CCNB1IP1: variants seen among roughly 807,000 people sequenced by gnomAD.
CCNB1IP1 encodes the protein E3 ubiquitin-protein ligase CCNB1IP1.
A neutral mutation model predicts 25.6 loss-of-function variants in CCNB1IP1; 14 were observed. That is an observed-to-expected ratio of 0.55 (90% CI 0.36 to 0.85). CCNB1IP1 has a LOEUF of 0.85. Among genes scored for constraint, CCNB1IP1 ranks in the 40% least tolerant of loss-of-function variants. CCNB1IP1 has a pLI of 0.01. For missense variants in CCNB1IP1, 278 were observed against 342.4 expected (o/e 0.81, Z 1.48); for synonymous variants, 119 against 116.1 (o/e 1.02, Z -0.16).
chr14:20,324,455 G>C (rs1449133719), intron 4 of CCNB1IP1, among the ~76,000 whole-genome samples: 1 of 152,098 alleles, frequency 6.6e-6, no homozygotes, highest in Admixed American at 6.6e-5. Context: ...CAAAGTGCTG[G>C]GTTTACAGGC....
intron 1 of CCNB1IP1, among the ~76,000 whole-genome samples, chr14:20,330,037 A>G (rs766720268): frequency 4.6e-5 from 7 of 151,820 alleles, no homozygotes; most frequent in Non-Finnish European, 1.0e-4. Context: ...GTCTTGCCCA[A>G]GCTCAACCAG....
chr14:20,324,574 G>A (rs556676983), intron 4 of CCNB1IP1, among the ~76,000 whole-genome samples: 1 of 152,278 alleles, frequency 6.6e-6, no homozygotes, highest in East Asian at 1.9e-4. Context: ...CATGGATTCT[G>A]ATGACAAATA....
At chr14:20,316,896 G>T (rs1048869495) in intron 4 of CCNB1IP1, among the ~76,000 whole-genome samples, 1 of 152,106 alleles carries the variant, frequency 6.6e-6, no homozygotes, top group Non-Finnish European at 1.5e-5. Context: ...GTCCCTTCAG[G>T]TCAGGAGTTC....
At chr14:20,333,096 A>T (rs1279512634) in intron 1 of CCNB1IP1, 158 bp downstream of exon 1, 2 of 152,312 alleles carry the variant, frequency 1.3e-5, no homozygotes, top group Non-Finnish European at 2.9e-5. Flanking sequence ...AGAGCATTTC[A>T]CTGCCTTCTC....
chr14:20,315,136 C>CAAAAAAA (rs1159450735), intron 5 of CCNB1IP1, among the ~76,000 whole-genome samples: 1 of 9,062 alleles, frequency 1.1e-4, no homozygotes, highest in African/African-American at 4.2e-4. Flanking sequence ...TACACCTCAC[C>CAAAAAAA]AAAAAAAAAA....
chr14:20,327,400 G>C (rs1027934240), intron 2 of CCNB1IP1, among the ~76,000 whole-genome samples: 3 of 151,742 alleles, frequency 2.0e-5, no homozygotes, highest in African/African-American at 7.3e-5. Context: ...ATAATCTGAA[G>C]AAAATCTTCC....
chr14:20,320,299 T>C, intron 4 of CCNB1IP1: 1 of 455,930 alleles, frequency 2.2e-6, no homozygotes, highest in South Asian at 1.6e-5. Flanking sequence ...ATAAGAGTTG[T>C]GAAGGCCAGG....
chr14:20,332,930 G>A (rs1279189592), intron 1 of CCNB1IP1: 5 of 152,186 alleles, frequency 3.3e-5, no homozygotes, highest in African/African-American at 1.2e-4. Context: ...GCATTAGGAT[G>A]ATAATATCTT....
chr14:20,331,128 A>G (rs1002274845), intron 1 of CCNB1IP1, among the ~76,000 whole-genome samples: 2 of 152,200 alleles, frequency 1.3e-5, no homozygotes, highest in African/African-American at 4.8e-5. Flanking sequence ...TTACATCCTA[A>G]AATACATTTC....
chr14:20,332,034 T>A (rs1255878984), intron 1 of CCNB1IP1, among the ~76,000 whole-genome samples: 111 of 106,764 alleles, frequency 1.0e-3, no homozygotes, highest in Middle Eastern at 4.0e-3. Flanking sequence ...ATATTTTTTT[T>A]TTTTTTTTTT....
Position 20,313,640 on chromosome 14 carries a change from G to A in CCNB1IP1, c.459C>T (p.Tyr153=). ...VTSMKKVLEE[Y]KKKFSDISEK... The stretch of plus-strand genomic sequence containing the variant: ...CAGAGATGTCACTGAACTTTTTCTT[G>A]TATTCTTCTAGTACTTTCTTCATGG... Residue 153 remains tyrosine, a synonymous_variant, in exon 6 of 7, where the codon TAC becomes TAT. Coordinates refer to ENST00000358932, the MANE Select transcript of CCNB1IP1 (RefSeq NM_021178.5). 1 of 1,614,108 alleles carries A rather than the reference G, an allele frequency of 6.2e-7. No homozygotes were observed. The highest frequency in any genetic ancestry group is 8.5e-7 in the Non-Finnish European group (1 of 1,180,014).
At chr14:20,322,805 T>C (rs1385067911) in intron 4 of CCNB1IP1, among the ~76,000 whole-genome samples, 3 of 151,990 alleles carry the variant, frequency 2.0e-5, no homozygotes, top group African/African-American at 7.3e-5. Context: ...ATATTTTTAG[T>C]AGAGACAGGG....
intron 2 of CCNB1IP1, among the ~76,000 whole-genome samples, chr14:20,327,348 C>T (rs545079661): frequency 2.6e-5 from 4 of 151,862 alleles, no homozygotes; most frequent in African/African-American, 9.7e-5. Context: ...GAGCCAATGC[C>T]GGATTGTATT....
At chr14:20,321,998 G>A (rs994224198) in intron 4 of CCNB1IP1, among the ~76,000 whole-genome samples, 2 of 152,152 alleles carry the variant, frequency 1.3e-5, no homozygotes, top group Non-Finnish European at 2.9e-5. Flanking sequence ...AAGCAGAAAT[G>A]AGTTTTTAAC....
chr14:20,326,539 G>T (rs775207933), intron 3 of CCNB1IP1, 177 bp downstream of exon 3: 2 of 534,460 alleles, frequency 3.7e-6, no homozygotes, highest in East Asian at 1.1e-4. Flanking sequence ...AAATGACTGA[G>T]GAAGGGCAAA....
chr14:20,331,536 A>G (rs923047639), intron 1 of CCNB1IP1, among the ~76,000 whole-genome samples: 58 of 152,280 alleles, frequency 3.8e-4, no homozygotes, highest in African/African-American at 1.4e-3. Flanking sequence ...CCAAAACCCA[A>G]TTGAAATGCC....
chr14:20,323,479 G>A (rs1882961705), intron 4 of CCNB1IP1, among the ~76,000 whole-genome samples: 1 of 152,082 alleles, frequency 6.6e-6, no homozygotes, highest in African/African-American at 2.4e-5. Context: ...GGGAGCCTGA[G>A]GTGAGAGAAT....
chr14:20,313,644 T>C lies in CCNB1IP1; in HGVS notation c.455A>G (p.Glu152Gly). Residue 152 changes from glutamate (E) to glycine (G), a missense_variant, in exon 6 of 7, where the codon GAA becomes GGA. Transcript: ENST00000358932. Reference sequence around the variant, plus strand: ...GATGTCACTGAACTTTTTCTTGTATTCTTCTAGTACTTTCTTCATGGAGGT... The same window carrying C: ...GATGTCACTGAACTTTTTCTTGTATCCTTCTAGTACTTTCTTCATGGAGGT... Reference protein sequence around the residue: ...EVTSMKKVLEEYKKKFSDISE... With the variant: ...EVTSMKKVLEGYKKKFSDISE... 2 of 1,614,212 alleles carry C rather than the reference T, an allele frequency of 1.2e-6. No individual in the cohort carries two copies. The highest frequency in any genetic ancestry group is 1.7e-6 in the Non-Finnish European group (2 of 1,180,026).
chr14:20,322,851 G>C (rs113347157), intron 4 of CCNB1IP1, among the ~76,000 whole-genome samples: 1 of 152,020 alleles, frequency 6.6e-6, no homozygotes, highest in African/African-American at 2.4e-5. Flanking sequence ...TCGAACTCCT[G>C]ACCTCAGGTG....
Sources: gnomAD v4.1 joint callset for allele counts (sites outside exome capture counted in the v4.1 genomes callset) on GRCh38, gnomAD v4.1.1 for gene constraint, MANE v1.5 for transcripts, NCBI Gene and HGNC (gene_info 2026-07-23, HGNC 2026-07-21) for gene names.